ADNP: variants seen among roughly 807,000 people sequenced by gnomAD.
ADNP encodes activity-dependent neuroprotector homeobox protein.
In ADNP, 4 loss-of-function variants were observed where a neutral mutation model predicts 84.9. The observed-to-expected ratio is 0.05, with a 90% CI of 0.02 to 0.11. The LOEUF (loss-of-function observed/expected upper bound fraction) is 0.11, where lower values mean the gene tolerates loss of function less well. ADNP is among the 10% of genes least tolerant of loss of function. ADNP has a pLI of 1.00. For missense variants in ADNP, 1,132 were observed against 1,326.0 expected (o/e 0.85, Z 2.27); for synonymous variants, 554 against 468.1 (o/e 1.18, Z -2.37).
At chr20:50,916,736 C>T (rs1050721448) in intron 2 of ADNP, among the ~76,000 whole-genome samples, 1 of 152,114 alleles carries the variant, frequency 6.6e-6, no homozygotes, top group Non-Finnish European at 1.5e-5. Context: ...AGTGCCTTTT[C>T]AGAATTAGCT....
chr20:50,897,376 T>G (rs953035285), intron 5 of ADNP, among the ~76,000 whole-genome samples: 2 of 152,214 alleles, frequency 1.3e-5, no homozygotes, highest in Non-Finnish European at 2.9e-5. Flanking sequence ...GAACTTGTTC[T>G]AGTTCCCACA....
At chr20:50,904,084 A>C in intron 3 of ADNP, 83 bp from the exon 4 acceptor site, 1 of 1,043,292 alleles carries the variant, frequency 9.6e-7, no homozygotes, top group South Asian at 1.4e-5. Flanking sequence ...TAGGATCATA[A>C]AACCTACCCA....
rs150374762 is a variant in ADNP, at chr20:50,891,656, G to C, written c.3058C>G (p.Gln1020Glu). 7.9e-5 allele frequency: 127 copies of C among 1,614,060 alleles called. 1 individual carries two copies. In the African/African-American group the frequency reaches 1.6e-3, roughly 20 times the overall value. Reference sequence around the variant, plus strand: ...CATTTCAACTGCTCTCTGTCACCTTGCATGGTAGCCTTTTTTTTGGCAGCT... The same window carrying C: ...CATTTCAACTGCTCTCTGTCACCTTCCATGGTAGCCTTTTTTTTGGCAGCT... ...KPAAKKKATM[Q>E]GDREQLKWKN... The change falls in exon 6 of 6, where the codon CAA becomes GAA. Residue 1020 changes from glutamine to glutamate, a missense_variant. By Grantham distance (29) the Gln-to-Glu change is conservative (BLOSUM62 2). Coordinates refer to ENST00000621696, the MANE Select transcript of ADNP (RefSeq NM_001282531.3).
chr20:50,899,476 G>GCT (rs1308414034), intron 5 of ADNP, among the ~76,000 whole-genome samples: 1 of 152,160 alleles, frequency 6.6e-6, no homozygotes, highest in Non-Finnish European at 1.5e-5. Flanking sequence ...CTCCCAAAGT[G>GCT]CTGGGATTAT....
chr20:50,914,726 C>G (rs1339678970), intron 2 of ADNP, among the ~76,000 whole-genome samples: 1 of 152,142 alleles, frequency 6.6e-6, no homozygotes, highest in Non-Finnish European at 1.5e-5. Context: ...AATAGAATAG[C>G]TCCAATAGCA....
intron 2 of ADNP, among the ~76,000 whole-genome samples, chr20:50,919,290 T>C (rs952070743): frequency 0.028 from 1,531 of 53,968 alleles, 103 homozygotes; most frequent in African/African-American, 0.15. Context: ...TATATTTAAG[T>C]GTATATATAT....
At position 50,892,741 on chromosome 20, in the gene ADNP, T is replaced by C. The variant is rs1362578726; in HGVS notation, c.1973A>G (p.Lys658Arg). Residue 658 changes from lysine to arginine, a missense_variant, in exon 6 of 6, where the codon AAA (lysine) becomes AGA (arginine). Physicochemically the swap from Lys to Arg is conservative, Grantham distance 26. Around this residue, in one of 10 missense-constraint regions of ADNP, gnomAD observed 39 missense variants for 96.2 expected, o/e 0.41. Coordinates refer to ENST00000621696, the MANE Select transcript of ADNP (RefSeq NM_001282531.3). Reference sequence around the variant, plus strand: ...ATGGATACATTTGTAGGTGAGCTTTTTCTCAACTGGATGAACCGTCTGAAT... The same window carrying C: ...ATGGATACATTTGTAGGTGAGCTTTCTCTCAACTGGATGAACCGTCTGAAT... ...QVIQTVHPVE[K>R]KLTYKCIHCL... 1.2e-6 allele frequency: 2 copies of C among 1,614,242 alleles called. No homozygotes were observed. The highest frequency in any genetic ancestry group is 1.7e-6 in the Non-Finnish European group (2 of 1,180,048).
chr20:50,929,697 T>A (rs527605617), intron 1 of ADNP, among the ~76,000 whole-genome samples: 1 of 152,148 alleles, frequency 6.6e-6, no homozygotes, highest in South Asian at 2.1e-4. Context: ...CTAAAGAAAC[T>A]GTATCAAGCT....
At chr20:50,912,181 C>T (rs921837144) in intron 2 of ADNP, among the ~76,000 whole-genome samples, 7 of 152,132 alleles carry the variant, frequency 4.6e-5, no homozygotes, top group South Asian at 2.1e-4. Context: ...TTTTTTGAGA[C>T]GGAGTCTCCC....
rs755818012 is a variant in ADNP, at chr20:50,891,644, C to T, written c.3070G>A (p.Glu1024Lys). 13 of 1,614,070 alleles carry T rather than the reference C, an allele frequency of 8.1e-6. No homozygotes were observed. In the South Asian group the frequency reaches 1.4e-4, roughly 18 times the overall value. ...KKKATMQGDR[E>K]QLKWKNSSYG... ...GAACTATTCTTCCATTTCAACTGCT[C>T]TCTGTCACCTTGCATGGTAGCCTTT... The change falls in exon 6 of 6, where the codon GAG (glutamate) becomes AAG (lysine). Residue 1024 changes from glutamate (E) to lysine (K), a missense_variant. Glu to Lys is a moderately conservative substitution (Grantham distance 56). Transcript: ENST00000621696.
intron 2 of ADNP, among the ~76,000 whole-genome samples, chr20:50,907,592 C>T (rs534564483): frequency 3.6e-5 from 5 of 138,036 alleles, no homozygotes; most frequent in Non-Finnish European, 7.9e-5. Flanking sequence ...TGTTAACTCA[C>T]GTTAACGCCT....
chr20:50,910,883 A>G (rs376777770), intron 2 of ADNP, among the ~76,000 whole-genome samples: 2 of 152,042 alleles, frequency 1.3e-5, no homozygotes, highest in African/African-American at 4.8e-5. Flanking sequence ...CCAACTCTTG[A>G]GCTCAAGTGA....
chr20:50,929,618 T>C (rs1984523126), intron 1 of ADNP, among the ~76,000 whole-genome samples: 2 of 152,202 alleles, frequency 1.3e-5, no homozygotes, highest in Admixed American at 1.3e-4. Flanking sequence ...CCGACTTGGC[T>C]GCGGTGCATT....
In ADNP at chr20:50,894,018, G is replaced by T; in HGVS notation, c.696C>A (p.Ser232=). ...TGACATGCTGTACCAAAGCTTCATA[G>T]GACTTTGGCATGAAAAGGCATCGCT... ...HCKRCLFMPK[S]YEALVQHVIE... is the part of the protein sequence containing the mutation. Residue 232 remains serine, a synonymous_variant, in exon 6 of 6, where the codon TCC becomes TCA. Transcript: ENST00000621696. 6.2e-7 allele frequency: 1 copy of T among 1,614,172 alleles called. No homozygotes were observed. Among genetic ancestry groups the T allele is most frequent in the Non-Finnish European group, 8.5e-7 (1 of 1,180,028 alleles).
chr20:50,901,321 TA>T (rs11470054), intron 5 of ADNP, among the ~76,000 whole-genome samples: 40,336 of 91,880 alleles, frequency 0.44, 9,595 homozygotes, highest in South Asian at 0.61. Context: ...CTGGGGTATT[TA>T]AAAAAAAAAA....
chr20:50,893,009 A>G lies in ADNP; in HGVS notation c.1705T>C (p.Tyr569His). ...HTNIHLLVTT[Y>H]NLRDAPAESV... Reference sequence around the variant, plus strand: ...TCAGCTGGGGCATCCCTCAGATTGTATGTAGTTACCAGGAGATGGATGTTA... The same window carrying G: ...TCAGCTGGGGCATCCCTCAGATTGTGTGTAGTTACCAGGAGATGGATGTTA... Residue 569 changes from tyrosine (Y) to histidine (H), a missense_variant, in exon 6 of 6, where the codon TAC becomes CAC. Transcript: ENST00000621696. This position sits in a 1 kb window ranked among gnomAD's most constrained non-coding sequence, Gnocchi z 4.4. 6.2e-7 allele frequency: 1 copy of G among 1,614,212 alleles called. No individual in the cohort carries two copies. The highest frequency in any genetic ancestry group is 8.5e-7 in the Non-Finnish European group (1 of 1,180,046).
intron 3 of ADNP, 47 bp from the exon 4 acceptor site, chr20:50,904,048 G>A: frequency 7.1e-7 from 1 of 1,406,666 alleles, no homozygotes; most frequent in Non-Finnish European, 9.9e-7. Flanking sequence ...CGTACAACTT[G>A]TAATATTTAC....
At position 50,890,469 on chromosome 20, in the gene ADNP, CATG is replaced by C. The variant is rs1247314984; in HGVS notation, c.*933_*935del. Reference sequence around the variant, plus strand: ...TATTAGATGGTATAAATGAATCCACCATGATGGTGTTGAACTAAAGATAAAACT... The same window carrying C: ...TATTAGATGGTATAAATGAATCCACCATGGTGTTGAACTAAAGATAAAACT... On this transcript the variant is annotated 3_prime_UTR_variant, in exon 6 of 6. Coordinates refer to ENST00000621696, the MANE Select transcript of ADNP (RefSeq NM_001282531.3). The C allele has an allele frequency of 6.6e-6, 1 of 152,562 alleles. No homozygotes were observed. The highest frequency in any genetic ancestry group is 1.5e-5 in the Non-Finnish European group (1 of 68,042). The allele number at this position is 152,562 out of a possible 1,614,324, so 9.5% of individuals were successfully genotyped here. A position where few individuals can be genotyped will look rare whatever the true frequency, so the allele number is the denominator to read the frequency against.
chr20:50,916,225 T>C (rs1031203639), intron 2 of ADNP, among the ~76,000 whole-genome samples: 1 of 152,182 alleles, frequency 6.6e-6, no homozygotes, highest in African/African-American at 2.4e-5. Context: ...TTTTGTCACC[T>C]TCCATCAACA....
Sources: gnomAD v4.1 joint callset for allele counts (sites outside exome capture counted in the v4.1 genomes callset) on GRCh38, gnomAD v4.1.1 for gene constraint, gnomAD v4.1.1 regional missense constraint, Gnocchi (gnomAD v3.1) non-coding constraint, MANE v1.5 for transcripts, NCBI Gene and HGNC (gene_info 2026-07-23, HGNC 2026-07-21) for gene names.